Variants in KCNC2 observed in about 807,000 individuals in gnomAD.
The protein encoded by KCNC2 is potassium voltage-gated channel subfamily C member 2, also known as voltage-gated potassium channel KCNC2.
KCNC2 carries 21 observed loss-of-function variants against 44.5 expected under a neutral mutation model. That is an observed-to-expected ratio of 0.47 (90% CI 0.33 to 0.68). The LOEUF is 0.68. Among genes scored for constraint, KCNC2 ranks in the 30% least tolerant of loss-of-function variants. The probability of loss-of-function intolerance (pLI) is 0.01; values close to 1 mark genes in which losing one functional copy is unlikely to be tolerated. For synonymous variants in KCNC2, 391 were observed against 339.1 expected, an observed-to-expected ratio of 1.15 and a Z score of -1.68; for missense variants, 589 against 826.2, an observed-to-expected ratio of 0.71 and a Z score of 3.52.
chr12:75,145,954 A>G (rs1431415808), intron 2 of KCNC2, among the ~76,000 whole-genome samples: 3 of 135,968 alleles, frequency 2.2e-5, no homozygotes, highest in Non-Finnish European at 4.8e-5. Context: ...AGTCTTACCA[A>G]TTTTTTTTTT....
chr12:75,105,345 T>A (rs1419741786), intron 2 of KCNC2, among the ~76,000 whole-genome samples: 1 of 152,064 alleles, frequency 6.6e-6, no homozygotes, highest in African/African-American at 2.4e-5. Flanking sequence ...AGAAACAGAA[T>A]TAACAAAGGG....
chr12:75,167,910 AAATCTTC>A (rs945020753), intron 2 of KCNC2, among the ~76,000 whole-genome samples: 1 of 151,326 alleles, frequency 6.6e-6, no homozygotes, highest in African/African-American at 2.4e-5. Flanking sequence ...AATTTATCTT[AAATCTTC>A]AATCATCATT....
intron 2 of KCNC2, among the ~76,000 whole-genome samples, chr12:75,165,789 G>T (rs1429199141): frequency 1.3e-5 from 2 of 151,396 alleles, no homozygotes; most frequent in Admixed American, 1.3e-4. Context: ...ATTTGCCTAA[G>T]TGTTTCATCT....
chr12:75,190,495 C>G (rs1447639012), intron 2 of KCNC2, among the ~76,000 whole-genome samples: 1 of 152,180 alleles, frequency 6.6e-6, no homozygotes, highest in African/African-American at 2.4e-5. Flanking sequence ...TCTGTGCTCA[C>G]AGCATAGAAA....
rs1555176145 is a variant in KCNC2, at chr12:75,201,297, AAC to A, written c.687+5998_687+5999del. 1.2e-3 allele frequency among the ~76,000 whole-genome samples: 68 copies of A among 55,208 alleles called. 18 individuals are homozygous for A. The highest frequency in any genetic ancestry group is 5.3e-3 in the East Asian group (13 of 2,434). 36.2% of individuals were successfully genotyped at this position (55,208 alleles called of 152,430 possible). On this transcript the variant is annotated intron_variant, in intron 2 of 4. Transcript: ENST00000549446. ...AAAAAAAAAAAAAAAAAAAAAAAAA[AAC>A]CAGATTCTGGTTTACTTTATTAGTG...
intron 2 of KCNC2, among the ~76,000 whole-genome samples, chr12:75,159,872 C>T (rs1366798152): frequency 6.6e-6 from 1 of 151,802 alleles, no homozygotes; most frequent in Non-Finnish European, 1.5e-5. Flanking sequence ...TGCAACTATA[C>T]TATGAGTTAA....
intron 2 of KCNC2, among the ~76,000 whole-genome samples, chr12:75,160,911 T>A (rs946864014): frequency 1.3e-5 from 2 of 151,776 alleles, no homozygotes; most frequent in African/African-American, 4.8e-5. Context: ...ATCTTCAAAA[T>A]CTTGTGAAAA....
At chr12:75,092,300 T>C (rs2137135358) in intron 2 of KCNC2, among the ~76,000 whole-genome samples, 1 of 151,770 alleles carries the variant, frequency 6.6e-6, no homozygotes, top group South Asian at 2.1e-4. Context: ...AAAATTAAAA[T>C]CCTTGCTTTA....
At chr12:75,145,678 G>C (rs889917611) in intron 2 of KCNC2, among the ~76,000 whole-genome samples, 3 of 152,094 alleles carry the variant, frequency 2.0e-5, no homozygotes, top group Non-Finnish European at 4.4e-5. Flanking sequence ...GTCAAGGATA[G>C]TAGAAAGATA....
intron 2 of KCNC2, among the ~76,000 whole-genome samples, chr12:75,063,324 A>C (rs117357602): frequency 1.0e-3 from 155 of 152,194 alleles, no homozygotes; most frequent in Middle Eastern, 3.4e-3. Flanking sequence ...GGATTGAATC[A>C]ATAATAATCA....
At position 75,042,577 on chromosome 12, in the gene KCNC2, C is replaced by T. The variant is rs1223588855; in HGVS notation, c.*528G>A. 2.9e-6 allele frequency: 4 copies of T among 1,371,796 alleles called. No individual in the cohort carries two copies. The highest frequency in any genetic ancestry group is 3.8e-6 in the Non-Finnish European group (4 of 1,064,292). 85.0% of individuals were successfully genotyped at this position (1,371,796 alleles called of 1,614,324 possible). A position where few individuals can be genotyped will look rare whatever the true frequency, so the allele number is the denominator to read the frequency against. On this transcript the variant is annotated 3_prime_UTR_variant, in exon 5 of 5. Coordinates refer to ENST00000549446, the MANE Select transcript of KCNC2 (RefSeq NM_139137.4). ...ATGCTTTCATATCAGCAGGATGGTTCGATGCAAGTACACATATCCTGAGCT... is the reference window on the plus strand; with the variant it reads ...ATGCTTTCATATCAGCAGGATGGTTTGATGCAAGTACACATATCCTGAGCT...
intron 2 of KCNC2, among the ~76,000 whole-genome samples, chr12:75,157,665 C>T (rs1157169663): frequency 4.0e-5 from 6 of 151,640 alleles, no homozygotes; most frequent in Admixed American, 3.3e-4. Flanking sequence ...ATCAAAAGTC[C>T]CCATGTGATG....
At chr12:75,111,554 C>A (rs1887245217) in intron 2 of KCNC2, among the ~76,000 whole-genome samples, 1 of 151,734 alleles carries the variant, frequency 6.6e-6, no homozygotes, top group Non-Finnish European at 1.5e-5. Flanking sequence ...CAAGGTGATA[C>A]CAAATGTTTA....
intron 3 of KCNC2, among the ~76,000 whole-genome samples, chr12:75,049,691 G>T (rs1880960830): frequency 6.6e-6 from 1 of 152,054 alleles, no homozygotes; most frequent in Admixed American, 6.6e-5. Context: ...ATTCAACTTT[G>T]CCATTGAGTG....
At chr12:75,063,504 A>T (rs1882540514) in intron 2 of KCNC2, among the ~76,000 whole-genome samples, 1 of 152,048 alleles carries the variant, frequency 6.6e-6, no homozygotes. Flanking sequence ...AAAAGCCATT[A>T]TTCTACATAT....
chr12:75,101,862 T>C (rs879719717), intron 2 of KCNC2, among the ~76,000 whole-genome samples: 1 of 152,088 alleles, frequency 6.6e-6, no homozygotes, highest in Non-Finnish European at 1.5e-5. Flanking sequence ...GAAAATGAGA[T>C]TTCATTTAAG....
intron 2 of KCNC2, among the ~76,000 whole-genome samples, chr12:75,106,008 T>C (rs1163232662): frequency 6.6e-6 from 1 of 151,358 alleles, no homozygotes; most frequent in Non-Finnish European, 1.5e-5. Context: ...TCCCAGAAAA[T>C]TCAATCATTA....
At chr12:75,160,624 T>A (rs1011194742) in intron 2 of KCNC2, among the ~76,000 whole-genome samples, 4 of 151,828 alleles carry the variant, frequency 2.6e-5, no homozygotes, top group African/African-American at 9.7e-5. Flanking sequence ...TAAAACAGGA[T>A]CCCATCTGTA....
At chr12:75,134,765 C>G (rs1171709671) in intron 2 of KCNC2, among the ~76,000 whole-genome samples, 5 of 151,806 alleles carry the variant, frequency 3.3e-5, no homozygotes, top group Non-Finnish European at 7.4e-5. Flanking sequence ...ATCTTAAAGC[C>G]TACTCTTAGA....
Sources: allele counts gnomAD v4.1 joint callset (sites outside exome capture counted in the v4.1 genomes callset), GRCh38; gene constraint gnomAD v4.1.1; transcripts MANE v1.5; gene names NCBI Gene and HGNC (gene_info 2026-07-23, HGNC 2026-07-21).